The following DLG2 variants were observed in gnomAD, a reference collection of about 807,000 sequenced individuals.
DLG2 encodes the protein disks large homolog 2.
A neutral mutation model predicts 132.5 loss-of-function variants in DLG2; 45 were observed. The ratio of observed to expected loss-of-function variants is 0.34; its 90% confidence interval spans 0.27 to 0.44. The LOEUF is 0.44. Ranked by LOEUF, DLG2 falls within the 20% of genes least tolerant of loss-of-function variation. The pLI is 1.00. For missense variants in DLG2, 1,045 were observed against 1,196.9 expected (o/e 0.87, Z 1.87); for synonymous variants, 424 against 419.6 (o/e 1.01, Z -0.13).
chr11:83,511,942 T>C (rs2095051185), intron 21 of DLG2, among the ~76,000 whole-genome samples: 1 of 152,066 alleles, frequency 6.6e-6, no homozygotes, highest in African/African-American at 2.4e-5. Context: ...GTGTGTCCCT[T>C]AGGCAGCAAC....
chr11:84,259,346 TCTC>T (rs2097523896), intron 7 of DLG2, among the ~76,000 whole-genome samples: 1 of 151,960 alleles, frequency 6.6e-6, no homozygotes, highest in African/African-American at 2.4e-5. Context: ...TAGATTTTCT[TCTC>T]CTTTTAAGTT....
intron 8 of DLG2, among the ~76,000 whole-genome samples, chr11:84,208,983 A>G (rs1464814043): frequency 6.6e-6 from 1 of 152,218 alleles, no homozygotes; most frequent in East Asian, 1.9e-4. Flanking sequence ...AGACTCATAT[A>G]TGCACCCAAA....
intron 3 of DLG2, among the ~76,000 whole-genome samples, chr11:85,557,248 A>G (rs2076991686): frequency 6.6e-6 from 1 of 151,896 alleles, no homozygotes; most frequent in Non-Finnish European, 1.5e-5. Flanking sequence ...ACATCTAACC[A>G]AGGTGGTGAA....
At chr11:84,318,759 G>C (rs573413962) in intron 7 of DLG2, among the ~76,000 whole-genome samples, 4 of 152,266 alleles carry the variant, frequency 2.6e-5, no homozygotes, top group African/African-American at 9.6e-5. Context: ...AAACACGTTT[G>C]TTCAATAATA....
At chr11:85,624,346 A>G (rs1050069952) in intron 2 of DLG2, among the ~76,000 whole-genome samples, 3 of 152,148 alleles carry the variant, frequency 2.0e-5, no homozygotes, top group African/African-American at 7.2e-5. Context: ...AAATATACTA[A>G]CTAAATACCA....
chr11:85,268,856 G>T (rs1321459773), intron 4 of DLG2, among the ~76,000 whole-genome samples: 1 of 152,120 alleles, frequency 6.6e-6, no homozygotes, highest in Non-Finnish European at 1.5e-5. Flanking sequence ...AATGATTGGT[G>T]GTTTTAAAAT....
In DLG2 at chr11:84,357,322, A is replaced by C. The variant is rs994192732; in HGVS notation, c.520-106031T>G. 3.3e-5 allele frequency among the ~76,000 whole-genome samples: 5 copies of C among 152,156 alleles called. 1 individual carries two copies. The highest frequency in any genetic ancestry group is 6.8e-3 in the Middle Eastern group (2 of 294). On this transcript the variant is annotated intron_variant, in intron 7 of 27. Coordinates refer to ENST00000376104, the MANE Select transcript of DLG2 (RefSeq NM_001142699.3). ...ACAGAAAACACCATGAGCCTTGGAA[A>C]CATAATGTATCAAAAGGCACACAGA...
intron 6 of DLG2, among the ~76,000 whole-genome samples, chr11:84,807,671 G>A (rs2076149163): frequency 1.3e-5 from 2 of 152,044 alleles, no homozygotes; most frequent in South Asian, 2.1e-4. Context: ...AGGTGTATCA[G>A]GTAAATATCA....
At chr11:84,407,347 T>C (rs2098859163) in intron 7 of DLG2, among the ~76,000 whole-genome samples, 2 of 152,196 alleles carry the variant, frequency 1.3e-5, no homozygotes, top group Admixed American at 6.5e-5. Context: ...GAGCATTACA[T>C]GCTCCTGGGT....
chr11:84,125,227 T>G (rs2094121164), intron 9 of DLG2, among the ~76,000 whole-genome samples: 1 of 152,086 alleles, frequency 6.6e-6, no homozygotes, highest in Non-Finnish European at 1.5e-5. Context: ...TATAGTACAG[T>G]TAGAGGTGGT....
At chr11:85,469,777 C>G (rs866079757) in intron 3 of DLG2, 1 of 152,134 alleles carries the variant, frequency 6.6e-6, no homozygotes, top group Non-Finnish European at 1.5e-5. Context: ...CTAAAAGAAG[C>G]CAATTTCTAG....
At position 84,617,650 on chromosome 11, in the gene DLG2, C is replaced by T. The variant is rs1332768773; in HGVS notation, c.358-82919G>A. The stretch of plus-strand genomic sequence containing the variant: ...TCCACATCCTCTCCAGCATCTGTTG[C>T]TTCCCTTTTTTTTATGTTTTCATTC... On this transcript the variant is annotated intron_variant, in intron 6 of 27. Coordinates refer to ENST00000376104, the MANE Select transcript of DLG2 (RefSeq NM_001142699.3). Among the ~76,000 whole-genome samples the T allele has an allele frequency of 2.0e-5, 3 of 152,054 alleles. No homozygotes were observed. In the East Asian group the frequency reaches 5.8e-4, roughly 29 times the overall value.
At chr11:83,488,083 C>T (rs2093629624) in intron 21 of DLG2, among the ~76,000 whole-genome samples, 1 of 151,832 alleles carries the variant, frequency 6.6e-6, no homozygotes, top group Admixed American at 6.6e-5. Flanking sequence ...AATTATATCT[C>T]AATAAAGCCA....
chr11:84,257,835 T>C (rs2097499132), intron 7 of DLG2, among the ~76,000 whole-genome samples: 1 of 151,822 alleles, frequency 6.6e-6, no homozygotes. Flanking sequence ...TGCAGGCATG[T>C]ACCACCATGC....
At chr11:83,843,370 C>T (rs2058016039) in intron 16 of DLG2, among the ~76,000 whole-genome samples, 1 of 152,226 alleles carries the variant, frequency 6.6e-6, no homozygotes, top group Admixed American at 6.5e-5. Flanking sequence ...GCTGTCCCCT[C>T]TACCCTCACC....
intron 3 of DLG2, among the ~76,000 whole-genome samples, chr11:85,583,130 GTATATA>G (rs3068386): frequency 0.011 from 145 of 13,588 alleles, 1 homozygote; most frequent in East Asian, 0.046. Context: ...GTGTGTGTGT[GTATATA>G]TATATATATA....
intron 19 of DLG2, among the ~76,000 whole-genome samples, chr11:83,597,952 T>C (rs1308707932): frequency 6.6e-6 from 1 of 152,254 alleles, no homozygotes; most frequent in African/African-American, 2.4e-5. Flanking sequence ...ATCTTCCTTT[T>C]GCATCTGAAG....
intron 7 of DLG2, among the ~76,000 whole-genome samples, chr11:84,479,675 A>G (rs1430946879): frequency 6.6e-6 from 1 of 152,164 alleles, no homozygotes; most frequent in Non-Finnish European, 1.5e-5. Context: ...AAGGAACAGT[A>G]GGAACATATG....
intron 3 of DLG2, among the ~76,000 whole-genome samples, chr11:85,312,356 CTTATTATAAT>C (rs1176182138): frequency 6.6e-6 from 1 of 150,718 alleles, no homozygotes; most frequent in East Asian, 1.9e-4. Flanking sequence ...AAAATTTTAA[CTTATTATAAT>C]TTATTATAAT....
Sources: allele counts gnomAD v4.1 joint callset (sites outside exome capture counted in the v4.1 genomes callset), GRCh38; gene constraint gnomAD v4.1.1; transcripts MANE v1.5; gene names NCBI Gene and HGNC (gene_info 2026-07-23, HGNC 2026-07-21).